KMT2D: variants seen among roughly 807,000 people sequenced by gnomAD.
The protein encoded by KMT2D is histone-lysine N-methyltransferase 2D.
Under a neutral mutation model 512.7 loss-of-function variants are expected in KMT2D, and 55 were observed. The observed-to-expected ratio is 0.11, with a 90% CI of 0.09 to 0.13. KMT2D has a LOEUF of 0.13. Among genes scored for constraint, KMT2D ranks in the 10% least tolerant of loss-of-function variants. KMT2D has a pLI of 1.00. For synonymous variants in KMT2D, 2,995 were observed against 2,904.0 expected, an observed-to-expected ratio of 1.03 and a Z score of -1.01; for missense variants, 6,061 against 7,127.9, an observed-to-expected ratio of 0.85 and a Z score of 5.39.
chr12:49,048,182 C>T, intron 14 of KMT2D, 113 bp from the exon 15 acceptor site: 1 of 690,406 alleles, frequency 1.4e-6, no homozygotes, highest in Non-Finnish European at 2.5e-6. Flanking sequence ...GAACCCCATC[C>T]CACAGCGTTA....
rs1183249294 is a variant in KMT2D, at chr12:49,040,350, G to A, written c.7420C>T (p.Pro2474Ser). The change falls in exon 32 of 55, where the codon CCC becomes TCC. Residue 2474 changes from proline to serine, a missense_variant. Physicochemically the swap from Pro to Ser is moderately conservative, Grantham distance 74. Transcript: ENST00000301067. ...CCAGCCTTAAAGGCAACTTCAGGGGGCTGGGGTCGGGGTGGCTTATGCAAT... is the reference window on the plus strand; with the variant it reads ...CCAGCCTTAAAGGCAACTTCAGGGGACTGGGGTCGGGGTGGCTTATGCAAT... ...APLHKPPRPQ[P>S]PEVAFKAGSL... 6.4e-7 allele frequency: 1 copy of A among 1,565,880 alleles called. No homozygotes were observed. Among genetic ancestry groups the A allele is most frequent in the South Asian group, 1.2e-5 (1 of 83,210 alleles).
Position 49,054,715 on chromosome 12 carries a change from G to A in KMT2D, c.213C>T (p.Cys71=), listed in dbSNP as rs372109249. Residue 71 remains cysteine, a synonymous_variant, in exon 4 of 55, where the codon TGC becomes TGT. Transcript: ENST00000301067. This position sits in a 1 kb window ranked among gnomAD's most constrained non-coding sequence, Gnocchi z 6.4. ...GCTGCCCGTGTAGACTGGGCTCCCCGCAGTTACAGAGAGCACAACGCCGCA... is the reference window on the plus strand; with the variant it reads ...GCTGCCCGTGTAGACTGGGCTCCCCACAGTTACAGAGAGCACAACGCCGCA... ...GPVRRCALCN[C]GEPSLHGQRE... The A allele has an allele frequency of 1.0e-4, 161 of 1,613,446 alleles. No homozygotes were observed. The highest frequency in any genetic ancestry group is 1.2e-4 in the Non-Finnish European group (145 of 1,179,682).
At position 49,021,521 on chromosome 12, in the gene KMT2D, C is replaced by T. The variant is rs998463354; in HGVS notation, c.*259G>A. On this transcript the variant is annotated 3_prime_UTR_variant, in exon 55 of 55. Coordinates refer to ENST00000301067, the MANE Select transcript of KMT2D (RefSeq NM_003482.4). ...TCAAACCTGAGATGCCCAATGGCTGCTTCTGTCTGGCCCCTCCTGGAGCTG... is the reference window on the plus strand; with the variant it reads ...TCAAACCTGAGATGCCCAATGGCTGTTTCTGTCTGGCCCCTCCTGGAGCTG... The T allele has an allele frequency of 5.7e-6, 3 of 523,726 alleles. No individual in the cohort carries two copies. Among genetic ancestry groups the T allele is most frequent in the Non-Finnish European group, 3.4e-6 (1 of 293,064 alleles). The allele number at this position is 523,726 out of a possible 1,614,324, so 32.4% of individuals were successfully genotyped here. A position where few individuals can be genotyped will look rare whatever the true frequency, so the allele number is the denominator to read the frequency against.
intron 1 of KMT2D, among the ~76,000 whole-genome samples, chr12:49,058,293 A>G (rs1347645017): frequency 6.6e-6 from 1 of 152,230 alleles, no homozygotes; most frequent in East Asian, 1.9e-4. Context: ...GGGACTCTCC[A>G]TAGAATGCCG....
Position 49,041,602 on chromosome 12 carries a change from C to T in KMT2D, c.6234+53G>A. The stretch of plus-strand genomic sequence containing the variant: ...GGCAGGCCCCATGGCCCTCCACCCT[C>T]AAGAGAGGCCACCCACTAGAGGACT... On this transcript the variant is annotated intron_variant, in intron 31 of 54. Coordinates refer to ENST00000301067, the MANE Select transcript of KMT2D (RefSeq NM_003482.4). This position sits in a 1 kb window ranked among gnomAD's most constrained non-coding sequence, Gnocchi z 5.4. 6.8e-6 allele frequency: 11 copies of T among 1,612,840 alleles called. No homozygotes were observed. The highest frequency in any genetic ancestry group is 9.3e-6 in the Non-Finnish European group (11 of 1,179,270).
rs1211408064 is a variant in KMT2D, at chr12:49,022,649, T to C, written c.16279A>G (p.Ile5427Val). ...LEKHTMVIEY[I>V]GTIIRNEVAN... ...ACCTCGTTCCGAATGATGGTGCCAA[T>C]GTACTCGATAACCATTGTGTGCTTT... Residue 5427 changes from isoleucine to valine, a missense_variant, in exon 52 of 55, where the codon ATT becomes GTT. By Grantham distance (29) the Ile-to-Val change is conservative. Around this residue, in one of 16 missense-constraint regions of KMT2D, gnomAD observed 44 missense variants for 194.7 expected, o/e 0.23. Coordinates refer to ENST00000301067, the MANE Select transcript of KMT2D (RefSeq NM_003482.4). The surrounding 1 kb of genome is among the most constrained non-coding windows in gnomAD (Gnocchi z 8.6). 1 of 1,613,902 alleles carries C rather than the reference T, an allele frequency of 6.2e-7. No individual in the cohort carries two copies.
chr12:49,034,953 A>T lies in KMT2D; in HGVS notation c.10232-18T>A, dbSNP rs1403577084. 3 of 1,613,658 alleles carry T rather than the reference A, an allele frequency of 1.9e-6. No individual in the cohort carries two copies. ...GTCCAGGTCTGGAGAGGGGAGAACC[A>T]AGTGAGCTGGGCTATGGGGCCAATG... On this transcript the variant is annotated intron_variant, in intron 35 of 54. Transcript: ENST00000301067.
intron 1 of KMT2D, among the ~76,000 whole-genome samples, chr12:49,058,218 C>G (rs1370683214): frequency 3.9e-5 from 6 of 152,168 alleles, no homozygotes; most frequent in Admixed American, 3.9e-4. Flanking sequence ...CTGGCTCATC[C>G]TGAGAGCAGG....
In KMT2D at chr12:49,054,464, G is replaced by C. The variant is rs2120709706; in HGVS notation, c.401-48C>G. On this transcript the variant is annotated intron_variant, in intron 4 of 54. Coordinates refer to ENST00000301067, the MANE Select transcript of KMT2D (RefSeq NM_003482.4). This position sits in a 1 kb window ranked among gnomAD's most constrained non-coding sequence, Gnocchi z 6.4. ...AGAGAAAGGAAAGAATTAACAAAAA[G>C]AGGATTGCTGGCTCAGGACTACCCA... 1 of 1,569,632 alleles carries C rather than the reference G, an allele frequency of 6.4e-7. No homozygotes were observed. Among genetic ancestry groups the C allele is most frequent in the Non-Finnish European group, 8.6e-7 (1 of 1,156,200 alleles).
In KMT2D at chr12:49,051,378, G is replaced by A. The variant is rs1442434043; in HGVS notation, c.2305C>T (p.His769Tyr). ...GGCTCCTCAGGCTGGGGGGACAGGT[G>A]TGGCTCCTCAGCCTGCGGAGATAGG... is the stretch of plus-strand genomic sequence containing the variant. ...PHLSPQAEEP[H>Y]LSPQPEEPCL... is the part of the protein sequence containing the mutation. The change falls in exon 11 of 55, where the codon CAC becomes TAC. Residue 769 changes from histidine to tyrosine, a missense_variant. Coordinates refer to ENST00000301067, the MANE Select transcript of KMT2D (RefSeq NM_003482.4). 1.4e-5 allele frequency: 23 copies of A among 1,608,514 alleles called. No individual in the cohort carries two copies. The highest frequency in any genetic ancestry group is 1.9e-5 in the Non-Finnish European group (22 of 1,178,412).
intron 19 of KMT2D, 79 bp downstream of exon 19, chr12:49,045,841 G>T: frequency 8.3e-7 from 1 of 1,198,606 alleles, no homozygotes; most frequent in South Asian, 1.3e-5. Flanking sequence ...ATAAGGAGAT[G>T]AAGCTAGGGG....
In KMT2D at chr12:49,033,689, G is replaced by C. The variant is rs771550478; in HGVS notation, c.11016C>G (p.Phe3672Leu). 1.1e-5 allele frequency: 18 copies of C among 1,613,712 alleles called. No individual in the cohort carries two copies. The highest frequency in any genetic ancestry group is 5.0e-5 in the Admixed American group (3 of 60,028). The change falls in exon 40 of 55, where the codon TTC becomes TTG. Residue 3672 changes from phenylalanine to leucine, a missense_variant. Phe to Leu is a conservative substitution (Grantham distance 22). Around this residue, in one of 16 missense-constraint regions of KMT2D, gnomAD observed 1,600 missense variants for 1,754.9 expected, o/e 0.91. Transcript: ENST00000301067. ...MALPGQPGGPFLNTALAQQQQ... is the reference protein window; with the variant it reads ...MALPGQPGGPLLNTALAQQQQ... ...GCTGTTGGGCCAGAGCTGTATTAAG[G>C]AAGGGGCCACCAGGCTGTCCAGGTA...
rs2120732856 is a variant in KMT2D, at chr12:49,059,993, G to A, written c.-418C>T. On this transcript the variant is annotated 5_prime_UTR_variant, in exon 1 of 55. Coordinates refer to ENST00000301067, the MANE Select transcript of KMT2D (RefSeq NM_003482.4). ...CGGCCGCCCGCGCCGGGCTCGGGCGGAACGTCGAGGCTCTCCAGATGGAAC... is the reference window on the plus strand; with the variant it reads ...CGGCCGCCCGCGCCGGGCTCGGGCGAAACGTCGAGGCTCTCCAGATGGAAC... 6.6e-6 allele frequency among the ~76,000 whole-genome samples: 1 copy of A among 151,680 alleles called. No individual in the cohort carries two copies. The highest frequency in any genetic ancestry group is 2.4e-5 in the African/African-American group (1 of 41,412).
rs1388989637 is a variant in KMT2D at position 49,020,629 on chromosome 12, T to C, written c.*1151A>G. ...TCCCCCACCCCCACATCACCACCCC[T>C]TCCCACCAGACCAGCAGCAGTTTGG... On this transcript the variant is annotated 3_prime_UTR_variant, in exon 55 of 55. Coordinates refer to ENST00000301067, the MANE Select transcript of KMT2D (RefSeq NM_003482.4). 3 of 37,098 alleles carry C rather than the reference T, an allele frequency of 8.1e-5. No homozygotes were observed. In the Admixed American group the frequency reaches 1.2e-3, roughly 15 times the overall value. 2.3% of individuals were successfully genotyped at this position (37,098 alleles called of 1,614,324 possible).
chr12:49,027,580 G>C (rs1042786119), intron 48 of KMT2D, among the ~76,000 whole-genome samples: 1 of 152,094 alleles, frequency 6.6e-6, no homozygotes, highest in Non-Finnish European at 1.5e-5. Context: ...CTTTCGAGTA[G>C]CTGGGATTAC....
Position 49,037,137 on chromosome 12 carries a change from A to T in KMT2D, c.10219T>A (p.Phe3407Ile), listed in dbSNP as rs1261642939. 1 of 1,574,526 alleles carries T rather than the reference A, an allele frequency of 6.4e-7. No homozygotes were observed. The highest frequency in any genetic ancestry group is 8.7e-7 in the Non-Finnish European group (1 of 1,154,958). ...AMQQQLANSF[F>I]PDTDLDKFAA... ...CAGCTGAGGTTACCTGTATCTGGGA[A>T]GAAGCTGTTTGCCAGCTGCTGCTGC... Residue 3407 changes from phenylalanine to isoleucine, a missense_variant, in exon 35 of 55, where the codon TTC becomes ATC. Physicochemically the swap from Phe to Ile is conservative, Grantham distance 21 (BLOSUM62 0). Transcript: ENST00000301067.
intron 1 of KMT2D, among the ~76,000 whole-genome samples, chr12:49,057,983 G>A (rs1253124517): frequency 6.6e-6 from 1 of 152,180 alleles, no homozygotes; most frequent in Non-Finnish European, 1.5e-5. Context: ...CTCCCTCCCA[G>A]ACCAACAGCT....
In KMT2D at chr12:49,051,682, C is replaced by G; in HGVS notation, c.2001G>C (p.Glu667Asp). Residue 667 changes from glutamate (E) to aspartate (D), a missense_variant, in exon 11 of 55, where the codon GAG becomes GAC. By Grantham distance (45) the Glu-to-Asp change is conservative. Transcript: ENST00000301067. ...CAGGCGGTGGGGACAAGGGAGATTC[C>G]TCAGGCGGTGGAGACAGGCGTGACA... ...PVVSRLSPPPEESPLSPPPEE... is the reference protein window; with the variant it reads ...PVVSRLSPPPDESPLSPPPEE... The G allele has an allele frequency of 6.4e-7, 1 of 1,557,568 alleles. No homozygotes were observed. The highest frequency in any genetic ancestry group is 8.7e-7 in the Non-Finnish European group (1 of 1,152,000).
In KMT2D at chr12:49,021,765, T is replaced by A. The variant is rs899778705; in HGVS notation, c.*15A>T. ...TGGGTAGGGGGACTCCCCTGCCTGGTAGCCTCAAAGCTTCTTAGTTCATCC... is the reference window on the plus strand; with the variant it reads ...TGGGTAGGGGGACTCCCCTGCCTGGAAGCCTCAAAGCTTCTTAGTTCATCC... On this transcript the variant is annotated 3_prime_UTR_variant, in exon 55 of 55. Transcript: ENST00000301067. The A allele has an allele frequency of 6.2e-7, 1 of 1,603,734 alleles. No homozygotes were observed. Among genetic ancestry groups the A allele is most frequent in the African/African-American group, 1.3e-5 (1 of 74,818 alleles).
Sources: allele counts gnomAD v4.1 joint callset (sites outside exome capture counted in the v4.1 genomes callset), GRCh38; gene constraint gnomAD v4.1.1; regional missense constraint gnomAD v4.1.1; non-coding constraint Gnocchi (gnomAD v3.1); transcripts MANE v1.5; gene names NCBI Gene and HGNC (gene_info 2026-07-23, HGNC 2026-07-21).